DMD: variants seen among roughly 807,000 people sequenced by gnomAD.
DMD encodes the protein mutant dystrophin.
A neutral mutation model predicts 330.1 loss-of-function variants in DMD; 63 were observed. That is an observed-to-expected ratio of 0.19 (90% CI 0.16 to 0.24). The LOEUF is 0.24. Ranked by LOEUF, DMD falls within the 10% of genes least tolerant of loss-of-function variation. The probability of loss-of-function intolerance (pLI) is 1.00; values close to 1 mark genes in which losing one functional copy is unlikely to be tolerated. For missense variants in DMD, 3,344 were observed against 2,684.1 expected (o/e 1.25, Z -5.43); for synonymous variants, 1,223 against 959.8 (o/e 1.27, Z -5.07).
At chrX:33,221,417 A>C (rs1403205751) in intron 1 of DMD, among the ~76,000 whole-genome samples, 1 of 111,582 alleles carries the variant, frequency 9.0e-6, no homozygotes, top group Non-Finnish European at 1.9e-5. Flanking sequence ...ATTTAGGTTA[A>C]ATTAAGCATT....
chrX:31,887,072 A>C (rs1184638469), intron 47 of DMD, among the ~76,000 whole-genome samples: 1 of 111,842 alleles, frequency 8.9e-6, no homozygotes. Context: ...CTAGGATTTG[A>C]ACCCAAGAAG....
intron 62 of DMD, among the ~76,000 whole-genome samples, chrX:31,322,747 G>T (rs2056512136): frequency 8.9e-6 from 1 of 112,034 alleles, no homozygotes; most frequent in Non-Finnish European, 1.9e-5. Flanking sequence ...ATGGCAGGCG[G>T]AAAAAAATGG....
chrX:32,172,826 T>A (rs1008286558), intron 44 of DMD, among the ~76,000 whole-genome samples: 1 of 111,601 alleles, frequency 9.0e-6, no homozygotes, highest in Admixed American at 9.6e-5. Context: ...CAGCTGAAAA[T>A]TTTTAATGAG....
At chrX:32,982,629 C>T (rs997656776) in intron 2 of DMD, among the ~76,000 whole-genome samples, 5 of 111,388 alleles carry the variant, frequency 4.5e-5, no homozygotes, top group African/African-American at 6.5e-5. Context: ...AAGAAGACGA[C>T]GGAGTTTTGG....
At chrX:32,998,368 CAAAAAAAAAAAAA>C (rs35708010) in intron 2 of DMD, among the ~76,000 whole-genome samples, 1 of 34,684 alleles carries the variant, frequency 2.9e-5, no homozygotes, top group African/African-American at 8.9e-5. Flanking sequence ...GACCCAGTGT[CAAAAAAAAAAAAA>C]AAAAAAAAAA....
At chrX:31,934,804 G>A (rs1270623919) in intron 45 of DMD, among the ~76,000 whole-genome samples, 3 of 112,107 alleles carry the variant, frequency 2.7e-5, no homozygotes, top group African/African-American at 9.7e-5. Flanking sequence ...TTAGCAATCA[G>A]TTGGCAGAGA....
intron 1 of DMD, among the ~76,000 whole-genome samples, chrX:33,287,050 T>A (rs1322783753): frequency 8.9e-6 from 1 of 111,947 alleles, no homozygotes; most frequent in Non-Finnish European, 1.9e-5. Context: ...TGCCATGGAC[T>A]GTGACATGAG....
At chrX:32,596,749 G>T (rs1003627304) in intron 12 of DMD, among the ~76,000 whole-genome samples, 1 of 109,854 alleles carries the variant, frequency 9.1e-6, no homozygotes, top group African/African-American at 3.3e-5. Context: ...ATTTCACCAC[G>T]TTGGCCAGGC....
At chrX:32,524,572 G>T (rs2046771634) in intron 17 of DMD, among the ~76,000 whole-genome samples, 1 of 112,271 alleles carries the variant, frequency 8.9e-6, no homozygotes, top group Non-Finnish European at 1.9e-5. Flanking sequence ...TTCTAGCCTA[G>T]AGGCTCTGCC....
intron 61 of DMD, among the ~76,000 whole-genome samples, chrX:31,336,878 A>G (rs112750300): frequency 0.016 from 1,818 of 111,164 alleles, 33 homozygotes; most frequent in African/African-American, 0.055. Context: ...GAAAGAAGCA[A>G]ACATGTTTCG....
intron 30 of DMD, among the ~76,000 whole-genome samples, chrX:32,406,800 A>C (rs1047748779): frequency 9.0e-6 from 1 of 111,384 alleles, no homozygotes; most frequent in Admixed American, 9.6e-5. Flanking sequence ...GAACAGAACA[A>C]AGCCCTCATA....
chrX:33,009,232 A>G (rs1295536252), intron 2 of DMD, among the ~76,000 whole-genome samples: 1 of 88,302 alleles, frequency 1.1e-5, no homozygotes. Context: ...ATATATGTGT[A>G]TATATACACA....
rs140040045 is a variant in DMD at position 32,522,940 on chromosome X, C to T, written c.2169-4809G>A. On this transcript the variant is annotated intron_variant, in intron 17 of 78. Transcript: ENST00000357033. Reference sequence around the variant, plus strand: ...TATCCACCAGTCACTTTCAAATTCACGCTTTAAACTTAATCTCTCTAGTCT... The same window carrying T: ...TATCCACCAGTCACTTTCAAATTCATGCTTTAAACTTAATCTCTCTAGTCT... Among the ~76,000 whole-genome samples the T allele has an allele frequency of 8.0e-3, 892 of 111,828 alleles. 13 individuals are homozygous for T. Among genetic ancestry groups the T allele is most frequent in the African/African-American group, 0.027 (845 of 30,766 alleles).
At chrX:33,098,099 C>T (rs2095193584) in intron 1 of DMD, among the ~76,000 whole-genome samples, 1 of 111,733 alleles carries the variant, frequency 8.9e-6, no homozygotes, top group Non-Finnish European at 1.9e-5. Context: ...TATGATTTTA[C>T]CTGTAAATAT....
At chrX:32,355,348 CTG>C (rs2097795402) in intron 37 of DMD, among the ~76,000 whole-genome samples, 1 of 111,329 alleles carries the variant, frequency 9.0e-6, no homozygotes, top group South Asian at 3.7e-4. Flanking sequence ...GGTCAACTCA[CTG>C]ACACTCTCAC....
At chrX:32,843,346 C>A (rs190634767) in intron 4 of DMD, among the ~76,000 whole-genome samples, 2 of 112,183 alleles carry the variant, frequency 1.8e-5, no homozygotes, top group African/African-American at 6.5e-5. Context: ...GTCAATGACA[C>A]TGATATTTCC....
At chrX:31,795,823 A>T in intron 50 of DMD, among the ~76,000 whole-genome samples, 1 of 112,250 alleles carries the variant, frequency 8.9e-6, no homozygotes, top group African/African-American at 3.2e-5. Context: ...AAGTAGGAAA[A>T]AAGGTACTTA....
chrX:32,640,771 C>G (rs2059396726), intron 11 of DMD, among the ~76,000 whole-genome samples: 1 of 111,673 alleles, frequency 9.0e-6, no homozygotes, highest in African/African-American at 3.3e-5. Flanking sequence ...TAACTGTCCT[C>G]TCTTCCTCCA....
chrX:31,192,725 CTTAAGA>C (rs2042504307), intron 67 of DMD, among the ~76,000 whole-genome samples: 3 of 111,971 alleles, frequency 2.7e-5, no homozygotes, highest in African/African-American at 9.7e-5. Context: ...AAGGAAACAG[CTTAAGA>C]TTATCTACGA....
Sources: allele counts gnomAD v4.1 joint callset (sites outside exome capture counted in the v4.1 genomes callset), GRCh38; gene constraint gnomAD v4.1.1; transcripts MANE v1.5; gene names NCBI Gene and HGNC (gene_info 2026-07-23, HGNC 2026-07-21).